Variants in SATL1 observed in about 807,000 individuals in gnomAD.
The protein encoded by SATL1 is spermidine/spermine N1-acetyl transferase like 1.
SATL1 carries 47 observed loss-of-function variants against 51.8 expected under a neutral mutation model. That is an observed-to-expected ratio of 0.91 (90% CI 0.72 to 1.16). The LOEUF (loss-of-function observed/expected upper bound fraction) is 1.16, where lower values mean the gene tolerates loss of function less well. SATL1 is among the 50% of genes most tolerant of loss of function. SATL1 has a pLI of 0.00. For missense variants in SATL1, 520 were observed against 526.4 expected (o/e 0.99, Z 0.12); for synonymous variants, 176 against 182.4 (o/e 0.97, Z 0.28).
chrX:85,190,585 C>G (rs917205684), intron 2 of SATL1, among the ~76,000 whole-genome samples: 1 of 111,377 alleles, frequency 9.0e-6, no homozygotes, highest in Non-Finnish European at 1.9e-5. Flanking sequence ...TATTCTTCTA[C>G]TTAATAAAAT....
chrX:85,194,463 A>G (rs760106950), intron 2 of SATL1, among the ~76,000 whole-genome samples: 16 of 111,317 alleles, frequency 1.4e-4, no homozygotes, highest in Non-Finnish European at 5.7e-5. Flanking sequence ...AAATATATTT[A>G]AAATATAGAA....
At chrX:85,127,121 T>A (rs1269207470) in intron 2 of SATL1, among the ~76,000 whole-genome samples, 1 of 111,263 alleles carries the variant, frequency 9.0e-6, no homozygotes, top group Non-Finnish European at 1.9e-5. Context: ...CAATATACTG[T>A]GATCTAGTGT....
At chrX:85,116,889 T>C (rs999159397) in intron 2 of SATL1, among the ~76,000 whole-genome samples, 8 of 111,070 alleles carry the variant, frequency 7.2e-5, no homozygotes, top group African/African-American at 1.3e-4. Context: ...CCCAATAAGA[T>C]CTCAGGAGTT....
chrX:85,171,229 C>T (rs972223870), intron 2 of SATL1, among the ~76,000 whole-genome samples: 3 of 110,992 alleles, frequency 2.7e-5, no homozygotes, highest in Non-Finnish European at 3.8e-5. Context: ...TTTAGGCGCC[C>T]TAGTGATCTA....
intron 2 of SATL1, among the ~76,000 whole-genome samples, chrX:85,132,511 A>C (rs1330638593): frequency 8.9e-6 from 1 of 111,781 alleles, no homozygotes; most frequent in Admixed American, 9.5e-5. Flanking sequence ...AGGTCATTTA[A>C]GGTCTTTTCT....
chrX:85,133,465 G>A (rs984450573), intron 2 of SATL1, among the ~76,000 whole-genome samples: 3 of 112,508 alleles, frequency 2.7e-5, no homozygotes, highest in Non-Finnish European at 5.6e-5. Flanking sequence ...GCCATGCGCA[G>A]GATATAATCT....
At chrX:85,194,601 T>C (rs903745468) in intron 2 of SATL1, among the ~76,000 whole-genome samples, 7 of 110,762 alleles carry the variant, frequency 6.3e-5, no homozygotes. Flanking sequence ...GTATTCACAA[T>C]AGCAAAGACT....
At chrX:85,104,066 C>A in intron 3 of SATL1, 151 bp from the exon 4 acceptor site, 1 of 395,286 alleles carries the variant, frequency 2.5e-6, no homozygotes, top group Non-Finnish European at 4.6e-6. Context: ...CATCTAGAAA[C>A]AAAATCTACA....
intron 2 of SATL1, among the ~76,000 whole-genome samples, chrX:85,137,972 A>C (rs1302529195): frequency 4.5e-5 from 5 of 111,837 alleles, no homozygotes; most frequent in Admixed American, 3.8e-4. Flanking sequence ...CTTCTGTCAC[A>C]GTGTTTTGAT....
At chrX:85,112,537 A>C (rs1925284536) in intron 2 of SATL1, among the ~76,000 whole-genome samples, 1 of 111,292 alleles carries the variant, frequency 9.0e-6, no homozygotes, top group Non-Finnish European at 1.9e-5. Flanking sequence ...GTCTACATGC[A>C]CAGTGGCCTG....
intron 2 of SATL1, among the ~76,000 whole-genome samples, chrX:85,149,995 A>T (rs1223801768): frequency 8.9e-6 from 1 of 111,867 alleles, no homozygotes; most frequent in African/African-American, 3.2e-5. Flanking sequence ...AGAAATACAA[A>T]AAACCCTTCA....
intron 2 of SATL1, among the ~76,000 whole-genome samples, chrX:85,161,281 G>A (rs746131094): frequency 1.3e-3 from 147 of 110,836 alleles, no homozygotes; most frequent in African/African-American, 4.5e-3. Context: ...AACACATCAT[G>A]ATGACAGGAT....
Position 85,107,937 on chromosome X carries a change from T to C in SATL1, c.1032A>G (p.Ala344=), listed in dbSNP as rs1427416138. The part of the protein sequence containing the change: ...QSLSELVLSE[A]SISQPGPPQR... ...GCGGTGGACCTGGTTGGCTTATGCT[T>C]GCTTCACTCAGGACTAGTTCGCTCA... The change falls in exon 3 of 8, where the codon GCA becomes GCG. Residue 344 remains alanine, a synonymous_variant. Transcript: ENST00000644105. The C allele has an allele frequency of 8.3e-7, 1 of 1,211,418 alleles. No homozygotes were observed. Among genetic ancestry groups the C allele is most frequent in the Admixed American group, 2.2e-5 (1 of 46,004 alleles).
chrX:85,224,827 A>G (rs1236885172), intron 1 of SATL1, among the ~76,000 whole-genome samples: 2 of 110,098 alleles, frequency 1.8e-5, no homozygotes, highest in African/African-American at 6.6e-5. Flanking sequence ...CACTGTATAC[A>G]AATAGAAGAT....
chrX:85,236,934 C>T (rs747678361), intron 1 of SATL1, among the ~76,000 whole-genome samples: 45 of 111,199 alleles, frequency 4.0e-4, no homozygotes, highest in Middle Eastern at 9.2e-3. Context: ...ATTTGGAAAA[C>T]TATAAGAACT....
chrX:85,130,242 T>C, intron 2 of SATL1, among the ~76,000 whole-genome samples: 1 of 111,936 alleles, frequency 8.9e-6, no homozygotes, highest in Middle Eastern at 4.6e-3. Context: ...TCTTTGTACA[T>C]CTGGTAGAAT....
Position 85,109,078 on chromosome X carries a change from C to A in SATL1, c.-110G>T, listed in dbSNP as rs1335552069. 8.0e-6 allele frequency: 6 copies of A among 749,911 alleles called. No individual in the cohort carries two copies. The highest frequency in any genetic ancestry group is 9.6e-6 in the Non-Finnish European group (5 of 519,996). 61.8% of individuals were successfully genotyped at this position (749,911 alleles called of 1,213,427 possible). On this transcript the variant is annotated 5_prime_UTR_variant, in exon 3 of 8. Transcript: ENST00000644105. ...GATGGAACAGAATCCCTTAACTGTG[C>A]TGTGGTGGGAGGTTGTTGGCTGTTC...
At chrX:85,210,980 T>C (rs767919056) in intron 2 of SATL1, 24 of 111,455 alleles carry the variant, frequency 2.2e-4, no homozygotes, top group Non-Finnish European at 3.8e-4. Flanking sequence ...ATCTTACCCT[T>C]GATATCATTA....
intron 2 of SATL1, among the ~76,000 whole-genome samples, chrX:85,185,261 G>A (rs1927288270): frequency 8.9e-6 from 1 of 112,739 alleles, no homozygotes; most frequent in African/African-American, 3.2e-5. Flanking sequence ...ACCATCACTG[G>A]TAATCTGCAG....
Sources: gnomAD v4.1 joint callset for allele counts (sites outside exome capture counted in the v4.1 genomes callset) on GRCh38, gnomAD v4.1.1 for gene constraint, MANE v1.5 for transcripts, NCBI Gene and HGNC (gene_info 2026-07-23, HGNC 2026-07-21) for gene names.